NFYC: variants seen among roughly 807,000 people sequenced by gnomAD.
The protein encoded by NFYC is nuclear transcription factor Y subunit gamma.
Under a neutral mutation model 53.1 loss-of-function variants are expected in NFYC, and 25 were observed. The ratio of observed to expected loss-of-function variants is 0.47; its 90% CI spans 0.34 to 0.66. The LOEUF is 0.66. Among genes scored for constraint, NFYC ranks in the 30% least tolerant of loss-of-function variants. NFYC has a pLI of 0.01. For missense variants in NFYC, 260 were observed against 422.7 expected (o/e 0.62, Z 3.38); for synonymous variants, 145 against 152.6 (o/e 0.95, Z 0.37).
intron 1 of NFYC, among the ~76,000 whole-genome samples, chr1:40,719,123 C>T (rs577458180): frequency 6.6e-6 from 1 of 152,346 alleles, no homozygotes; most frequent in South Asian, 2.1e-4. Flanking sequence ...CCCGCCTCAG[C>T]CTCCCAAAGT....
chr1:40,763,111 C>A (rs1393872997), intron 7 of NFYC, 65 bp downstream of exon 7: 1 of 1,296,652 alleles, frequency 7.7e-7, no homozygotes, highest in Non-Finnish European at 1.0e-6. Flanking sequence ...GATATATATA[C>A]CTTGATATAT....
In NFYC at chr1:40,770,965, C is replaced by T; in HGVS notation, c.*137C>T. 1.2e-6 allele frequency: 1 copy of T among 829,878 alleles called. No homozygotes were observed. Among genetic ancestry groups the T allele is most frequent in the East Asian group, 2.5e-5 (1 of 39,802 alleles). 51.4% of individuals were successfully genotyped at this position (829,878 alleles called of 1,614,324 possible). On this transcript the variant is annotated 3_prime_UTR_variant, in exon 10 of 10. Coordinates refer to ENST00000447388, the MANE Select transcript of NFYC (RefSeq NM_014223.5). The surrounding 1 kb of genome is among the most constrained non-coding windows in gnomAD (Gnocchi z 5.3). ...CAGGCTAGGACACTGGTGCACTACA[C>T]CCCATGCCTGGGGGCCGAGATTCTC...
intron 8 of NFYC, among the ~76,000 whole-genome samples, chr1:40,767,867 T>G (rs1646898980): frequency 6.6e-6 from 1 of 152,082 alleles, no homozygotes; most frequent in Non-Finnish European, 1.5e-5. Flanking sequence ...TCCCAGCTAC[T>G]TGGGAGGCTG....
chr1:40,769,619 GAC>G (rs1401472842), intron 9 of NFYC, among the ~76,000 whole-genome samples: 2 of 152,170 alleles, frequency 1.3e-5, no homozygotes, highest in Non-Finnish European at 2.9e-5. Context: ...AATAATCTTA[GAC>G]ATGTAGCCCA....
Position 40,713,297 on chromosome 1 carries a change from T to C in NFYC, c.-9+21430T>C, listed in dbSNP as rs138609236. ...AGTCAGCATTGGTGTCTGCTTCCTA[T>C]CTGTGCATTGGAAGAATCATATTCA... On this transcript the variant is annotated intron_variant, in intron 1 of 9. Coordinates refer to ENST00000447388, the MANE Select transcript of NFYC (RefSeq NM_014223.5). Among the ~76,000 whole-genome samples, 3 of 152,352 alleles carry C rather than the reference T, an allele frequency of 2.0e-5. No individual in the cohort carries two copies. In the East Asian group the frequency reaches 5.8e-4, roughly 29 times the overall value.
At chr1:40,709,392 G>A (rs1304250171) in intron 1 of NFYC, 1 of 152,204 alleles carries the variant, frequency 6.6e-6, no homozygotes, top group African/African-American at 2.4e-5. Context: ...TTTTCACTGA[G>A]GCAGGGGTCA....
chr1:40,767,215 C>T (rs888375077), intron 8 of NFYC: 2 of 507,372 alleles, frequency 3.9e-6, no homozygotes, highest in East Asian at 7.1e-5. Flanking sequence ...GGCTGCCTCC[C>T]TGGGCTTGGG....
At chr1:40,751,856 G>T (rs1322009563) in intron 4 of NFYC, among the ~76,000 whole-genome samples, 1 of 152,028 alleles carries the variant, frequency 6.6e-6, no homozygotes, top group Non-Finnish European at 1.5e-5. Flanking sequence ...ACACTATATT[G>T]TAGTCATCTT....
Position 40,701,978 on chromosome 1 carries a change from GCT to G in NFYC, c.-9+10119_-9+10120del, listed in dbSNP as rs146677372. Among the ~76,000 whole-genome samples the G allele has an allele frequency of 3.1e-3, 470 of 152,176 alleles. 1 individual carries two copies. The highest frequency in any genetic ancestry group is 0.011 in the African/African-American group (444 of 41,522). On this transcript the variant is annotated intron_variant, in intron 1 of 9. Transcript: ENST00000447388. ...TTTTTTCTTGCTGCTGCACATGACT[GCT>G]CTCTCTCATGTTGCCTTTACACATC...
intron 1 of NFYC, among the ~76,000 whole-genome samples, chr1:40,729,285 C>T (rs2148532506): frequency 6.6e-6 from 1 of 152,362 alleles, no homozygotes; most frequent in East Asian, 1.9e-4. Flanking sequence ...GCATCAATTA[C>T]TCTAGCTAGA....
chr1:40,720,003 G>T (rs1347136493), intron 1 of NFYC, among the ~76,000 whole-genome samples: 1 of 152,164 alleles, frequency 6.6e-6, no homozygotes. Flanking sequence ...AAATGTAAGG[G>T]ATTAGCATAA....
chr1:40,733,019 C>CCCCCCT (rs35467973), intron 1 of NFYC, among the ~76,000 whole-genome samples: 14 of 103,192 alleles, frequency 1.4e-4, no homozygotes, highest in African/African-American at 5.3e-4. Context: ...CCCCCCCCCC[C>CCCCCCT]TTTTTTTTTT....
At chr1:40,698,620 G>T (rs1393117424) in intron 1 of NFYC, among the ~76,000 whole-genome samples, 1 of 151,606 alleles carries the variant, frequency 6.6e-6, no homozygotes, top group Non-Finnish European at 1.5e-5. Flanking sequence ...TAGAGACAGG[G>T]TCTCATCTTG....
chr1:40,704,258 A>C (rs1040762128), intron 1 of NFYC, among the ~76,000 whole-genome samples: 1 of 152,122 alleles, frequency 6.6e-6, no homozygotes, highest in Non-Finnish European at 1.5e-5. Context: ...TTGTTAGTAG[A>C]GACGGGGTTT....
intron 1 of NFYC, among the ~76,000 whole-genome samples, chr1:40,724,489 A>G (rs1644438770): frequency 6.6e-6 from 1 of 152,258 alleles, no homozygotes; most frequent in Admixed American, 6.5e-5. Flanking sequence ...TTGCTTTAGA[A>G]TACTTCACTA....
At chr1:40,769,535 G>T in intron 9 of NFYC, 120 bp downstream of exon 9, 1 of 813,530 alleles carries the variant, frequency 1.2e-6, no homozygotes, top group Non-Finnish European at 2.1e-6. Flanking sequence ...TGAGTGGACA[G>T]AAATTGTTAA....
intron 1 of NFYC, among the ~76,000 whole-genome samples, chr1:40,703,869 T>G (rs1643564971): frequency 6.6e-6 from 1 of 152,174 alleles, no homozygotes; most frequent in Non-Finnish European, 1.5e-5. Context: ...ACACTCCTGT[T>G]AGTTGGTGTT....
chr1:40,748,781 G>A (rs1557869080), intron 3 of NFYC, among the ~76,000 whole-genome samples: 1 of 152,164 alleles, frequency 6.6e-6, no homozygotes, highest in East Asian at 1.9e-4. Flanking sequence ...CCTTTTATTA[G>A]CTCCTTTCTT....
chr1:40,759,790 A>C (rs1312243788), intron 6 of NFYC, among the ~76,000 whole-genome samples: 2 of 152,144 alleles, frequency 1.3e-5, no homozygotes, highest in Non-Finnish European at 2.9e-5. Flanking sequence ...GCAAAGGCTC[A>C]GAGGTGAGAA....
Sources: allele counts gnomAD v4.1 joint callset (sites outside exome capture counted in the v4.1 genomes callset), GRCh38; gene constraint gnomAD v4.1.1; non-coding constraint Gnocchi (gnomAD v3.1); transcripts MANE v1.5; gene names NCBI Gene and HGNC (gene_info 2026-07-23, HGNC 2026-07-21).